The following KHDRBS3 variants were observed in gnomAD, a reference collection of about 807,000 sequenced individuals.
KHDRBS3 encodes KH domain-containing, RNA-binding, signal transduction-associated protein 3.
In KHDRBS3, 23 loss-of-function variants were observed where a neutral mutation model predicts 45.6. The ratio of observed to expected loss-of-function variants is 0.50; its 90% CI spans 0.36 to 0.72. The LOEUF (loss-of-function observed/expected upper bound fraction) is 0.72, where lower values mean the gene tolerates loss of function less well. Ranked by LOEUF, KHDRBS3 falls within the 30% of genes least tolerant of loss-of-function variation. The pLI, the probability that KHDRBS3 is intolerant of heterozygous loss-of-function variation, is 0.00. For synonymous variants in KHDRBS3, 162 were observed against 156.5 expected, an observed-to-expected ratio of 1.04 and a Z score of -0.26; for missense variants, 352 against 424.8, an observed-to-expected ratio of 0.83 and a Z score of 1.51.
At chr8:135,524,129 C>A (rs1183838337) in intron 2 of KHDRBS3, among the ~76,000 whole-genome samples, 2 of 152,062 alleles carry the variant, frequency 1.3e-5, no homozygotes, top group African/African-American at 2.4e-5. Flanking sequence ...GATTCTCATG[C>A]CCCAGTCTCC....
chr8:135,480,548 G>A (rs561162285), intron 1 of KHDRBS3, among the ~76,000 whole-genome samples: 1 of 152,082 alleles, frequency 6.6e-6, no homozygotes, highest in African/African-American at 2.4e-5. Flanking sequence ...GTAGAACCCT[G>A]TGTAAGTACC....
At chr8:135,547,955 G>A (rs1049923777) in intron 3 of KHDRBS3, among the ~76,000 whole-genome samples, 3 of 152,076 alleles carry the variant, frequency 2.0e-5, no homozygotes, top group Non-Finnish European at 2.9e-5. Context: ...CCTAATTTTC[G>A]TCCTGCATTT....
intron 7 of KHDRBS3, among the ~76,000 whole-genome samples, chr8:135,609,268 C>A (rs1482406669): frequency 6.6e-6 from 1 of 151,388 alleles, no homozygotes; most frequent in African/African-American, 2.4e-5. Flanking sequence ...TATCCTTATT[C>A]TATATACTTT....
chr8:135,470,224 C>T (rs894982393), intron 1 of KHDRBS3, among the ~76,000 whole-genome samples: 1 of 152,134 alleles, frequency 6.6e-6, no homozygotes, highest in African/African-American at 2.4e-5. Flanking sequence ...TAAAGGAAAC[C>T]GAGCAGGCTT....
chr8:135,545,486 G>A (rs984135097), intron 3 of KHDRBS3, among the ~76,000 whole-genome samples: 2 of 152,166 alleles, frequency 1.3e-5, no homozygotes, highest in African/African-American at 4.8e-5. Context: ...CTGTTATCCA[G>A]ACACTGTCCT....
intron 2 of KHDRBS3, among the ~76,000 whole-genome samples, chr8:135,535,556 ATAGAACAGT>A (rs1407504298): frequency 1.3e-5 from 2 of 151,720 alleles, no homozygotes; most frequent in African/African-American, 4.8e-5. Context: ...TCTTTATGGG[ATAGAACAGT>A]TATTATATAT....
chr8:135,543,757 G>T (rs747167073), intron 3 of KHDRBS3, among the ~76,000 whole-genome samples: 1 of 152,136 alleles, frequency 6.6e-6, no homozygotes, highest in Admixed American at 6.5e-5. Context: ...GTTAATTTGA[G>T]AATTTTTTGT....
At position 135,647,006 on chromosome 8, in the gene KHDRBS3, G is replaced by C; in HGVS notation, c.963G>C (p.Trp321Cys). 6.3e-7 allele frequency: 1 copy of C among 1,594,198 alleles called. No homozygotes were observed. The highest frequency in any genetic ancestry group is 8.6e-7 in the Non-Finnish European group (1 of 1,161,924). The change falls in exon 9 of 9, where the codon TGG (tryptophan) becomes TGC (cysteine). Residue 321 changes from tryptophan to cysteine, a missense_variant. This residue lies in a region of KHDRBS3 where 212 missense variants were observed against 209.6 expected (regional missense o/e 1.01). Transcript: ENST00000355849. ...ETYDSYGQEEWTNSRHKAPSA... is the reference protein window; with the variant it reads ...ETYDSYGQEECTNSRHKAPSA... Reference sequence around the variant, plus strand: ...TACTGATTGTAGGGCAAGAAGAGTGGACTAACTCAAGACACAAGGCACCTT... The same window carrying C: ...TACTGATTGTAGGGCAAGAAGAGTGCACTAACTCAAGACACAAGGCACCTT...
At chr8:135,487,111 A>G (rs1040508942) in intron 1 of KHDRBS3, among the ~76,000 whole-genome samples, 3 of 152,210 alleles carry the variant, frequency 2.0e-5, no homozygotes, top group Non-Finnish European at 4.4e-5. Flanking sequence ...TTGTCTAAGT[A>G]TATTTGTTAT....
chr8:135,574,753 A>G (rs1319400022), intron 5 of KHDRBS3, among the ~76,000 whole-genome samples: 1 of 152,224 alleles, frequency 6.6e-6, no homozygotes, highest in African/African-American at 2.4e-5. Flanking sequence ...AGATATATAT[A>G]CTGGAGATAT....
intron 1 of KHDRBS3, among the ~76,000 whole-genome samples, chr8:135,493,618 T>C (rs112643635): frequency 1.2e-4 from 19 of 152,188 alleles, no homozygotes; most frequent in African/African-American, 3.9e-4. Context: ...AAGCCAGTCA[T>C]CTACTTGGGG....
At chr8:135,556,166 T>C (rs1241144175) in intron 4 of KHDRBS3, among the ~76,000 whole-genome samples, 2 of 152,258 alleles carry the variant, frequency 1.3e-5, no homozygotes, top group East Asian at 3.8e-4. Context: ...TCCAAGTCTT[T>C]GCTGTTGTGA....
chr8:135,596,275 A>G (rs772559219), intron 6 of KHDRBS3, among the ~76,000 whole-genome samples: 4 of 152,224 alleles, frequency 2.6e-5, no homozygotes, highest in Non-Finnish European at 4.4e-5. Flanking sequence ...GCTTCTGCCA[A>G]TTTCTAAAGA....
At chr8:135,537,996 G>A (rs1421546667) in intron 2 of KHDRBS3, among the ~76,000 whole-genome samples, 1 of 152,126 alleles carries the variant, frequency 6.6e-6, no homozygotes, top group Non-Finnish European at 1.5e-5. Flanking sequence ...TTGGCAATAG[G>A]GAGAGGGGAT....
At chr8:135,518,603 G>T (rs1586651187) in intron 1 of KHDRBS3, among the ~76,000 whole-genome samples, 1 of 152,140 alleles carries the variant, frequency 6.6e-6, no homozygotes, top group East Asian at 1.9e-4. Flanking sequence ...TATGCCAAAG[G>T]TATTTCTAAT....
intron 7 of KHDRBS3, among the ~76,000 whole-genome samples, chr8:135,636,508 T>C (rs561025425): frequency 1.6e-3 from 237 of 152,306 alleles, no homozygotes; most frequent in Non-Finnish European, 2.8e-3. Context: ...TGAAAACATT[T>C]TGACTTGATG....
intron 7 of KHDRBS3, among the ~76,000 whole-genome samples, chr8:135,622,297 G>C (rs1563812523): frequency 6.6e-6 from 1 of 152,068 alleles, no homozygotes; most frequent in Non-Finnish European, 1.5e-5. Context: ...AAACAAAGTA[G>C]GTATTCTTAT....
chr8:135,573,116 C>A (rs1253590654), intron 5 of KHDRBS3, among the ~76,000 whole-genome samples: 2 of 152,110 alleles, frequency 1.3e-5, no homozygotes, highest in African/African-American at 4.8e-5. Context: ...TCTTGCAGGC[C>A]CCACTCTGTA....
chr8:135,614,797 T>C (rs1193265155), intron 7 of KHDRBS3, among the ~76,000 whole-genome samples: 1 of 151,788 alleles, frequency 6.6e-6, no homozygotes, highest in Non-Finnish European at 1.5e-5. Flanking sequence ...GTGACGCTTG[T>C]TAAAGCACAG....
Sources: gnomAD v4.1 joint callset for allele counts (sites outside exome capture counted in the v4.1 genomes callset) on GRCh38, gnomAD v4.1.1 for gene constraint, gnomAD v4.1.1 regional missense constraint, MANE v1.5 for transcripts, NCBI Gene and HGNC (gene_info 2026-07-23, HGNC 2026-07-21) for gene names.